UGGT2: variants seen among roughly 807,000 people sequenced by gnomAD.
UGGT2 encodes the protein UDP-glucose glycoprotein glucosyltransferase 2, also known as UDP-glucose:glycoprotein glucosyltransferase 2.
Under a neutral mutation model 192.1 loss-of-function variants are expected in UGGT2, and 180 were observed. The ratio of observed to expected loss-of-function variants is 0.94; its 90% CI spans 0.83 to 1.06. UGGT2 has a LOEUF of 1.06. Among genes scored for constraint, UGGT2 ranks in the 50% least tolerant of loss-of-function variants. The pLI is 0.00. For missense variants in UGGT2, 1,849 were observed against 1,795.7 expected, an observed-to-expected ratio of 1.03 and a Z score of -0.54; for synonymous variants, 580 against 591.0, an observed-to-expected ratio of 0.98 and a Z score of 0.27.
chr13:95,877,532 A>G, intron 28 of UGGT2, 166 bp downstream of exon 28: 1 of 1,034,510 alleles, frequency 9.7e-7, no homozygotes, highest in Non-Finnish European at 1.4e-6. Context: ...AAAAATTATT[A>G]AAGTATGATT....
intron 8 of UGGT2, among the ~76,000 whole-genome samples, chr13:95,988,213 A>G (rs2051350455): frequency 6.6e-6 from 1 of 152,080 alleles, no homozygotes. Flanking sequence ...CTGTCTCTGT[A>G]AAAAGTCCCT....
At chr13:95,936,421 C>T (rs1172973819) in intron 17 of UGGT2, among the ~76,000 whole-genome samples, 5 of 152,220 alleles carry the variant, frequency 3.3e-5, no homozygotes, top group Non-Finnish European at 7.3e-5. Flanking sequence ...TCTGTTGTCT[C>T]AGGCAATGGG....
chr13:95,940,974 T>C (rs375305248), intron 15 of UGGT2, among the ~76,000 whole-genome samples: 2 of 152,210 alleles, frequency 1.3e-5, no homozygotes, highest in East Asian at 3.9e-4. Flanking sequence ...ACTTGTAGAA[T>C]GTAAGCTGTT....
At chr13:95,985,904 T>C (rs2051275067) in intron 9 of UGGT2, among the ~76,000 whole-genome samples, 1 of 152,146 alleles carries the variant, frequency 6.6e-6, no homozygotes, top group African/African-American at 2.4e-5. Flanking sequence ...ATTAAGACAT[T>C]ACCAATCATT....
intron 29 of UGGT2, among the ~76,000 whole-genome samples, chr13:95,870,026 C>T (rs1254432705): frequency 6.6e-6 from 1 of 152,138 alleles, no homozygotes; most frequent in Non-Finnish European, 1.5e-5. Context: ...AAAACACTAA[C>T]TGGTAAGAAA....
intron 38 of UGGT2, among the ~76,000 whole-genome samples, chr13:95,803,877 G>A (rs1884180596): frequency 1.3e-5 from 2 of 152,206 alleles, no homozygotes; most frequent in African/African-American, 4.8e-5. Context: ...AAAGAAAAAA[G>A]GGCCAAGATG....
intron 34 of UGGT2, 88 bp from the exon 35 acceptor site, chr13:95,854,563 T>G (rs1022597600): frequency 4.2e-6 from 5 of 1,191,938 alleles, no homozygotes; most frequent in Non-Finnish European, 5.7e-6. Context: ...ATTACTCTAC[T>G]ACAGAAATCC....
At chr13:95,875,822 G>C (rs1891623122) in intron 29 of UGGT2, among the ~76,000 whole-genome samples, 1 of 152,114 alleles carries the variant, frequency 6.6e-6, no homozygotes, top group African/African-American at 2.4e-5. Flanking sequence ...AGGGGAAAGA[G>C]TGGTGAAAAA....
At chr13:95,973,158 G>T (rs948488984) in intron 10 of UGGT2, among the ~76,000 whole-genome samples, 2 of 151,742 alleles carry the variant, frequency 1.3e-5, no homozygotes, top group East Asian at 3.9e-4. Flanking sequence ...CAACAAGAAC[G>T]AAACTCCATC....
chr13:96,013,777 T>C (rs2052240895), intron 4 of UGGT2, among the ~76,000 whole-genome samples: 1 of 152,148 alleles, frequency 6.6e-6, no homozygotes, highest in Admixed American at 6.5e-5. Flanking sequence ...ATTTATATTT[T>C]ATGCAGTTAG....
intron 20 of UGGT2, among the ~76,000 whole-genome samples, chr13:95,924,969 CT>C (rs1280000654): frequency 2.6e-5 from 4 of 152,172 alleles, no homozygotes; most frequent in Non-Finnish European, 5.9e-5. Context: ...CTCCTAAATT[CT>C]TGAACCTCAG....
chr13:95,866,275 C>T (rs1376695540), intron 30 of UGGT2, among the ~76,000 whole-genome samples: 1 of 152,100 alleles, frequency 6.6e-6, no homozygotes, highest in East Asian at 1.9e-4. Flanking sequence ...TTAAACTCAT[C>T]TTTAATTTCT....
At chr13:95,898,843 C>A (rs1299858597) in intron 22 of UGGT2, among the ~76,000 whole-genome samples, 1 of 152,176 alleles carries the variant, frequency 6.6e-6, no homozygotes, top group Non-Finnish European at 1.5e-5. Context: ...GACTTCCCAG[C>A]CTCCAGAAGT....
intron 1 of UGGT2, among the ~76,000 whole-genome samples, chr13:96,047,724 C>T (rs1454539243): frequency 6.6e-6 from 1 of 151,972 alleles, no homozygotes; most frequent in Non-Finnish European, 1.5e-5. Context: ...CAACAAAGAT[C>T]AGAAGAGACA....
At chr13:95,828,287 A>T (rs1469146678) in intron 38 of UGGT2, among the ~76,000 whole-genome samples, 1 of 152,144 alleles carries the variant, frequency 6.6e-6, no homozygotes, top group Admixed American at 6.6e-5. Flanking sequence ...AAACGCATCC[A>T]AAAGCTAGCA....
At chr13:95,863,759 A>G (rs1375969888) in intron 30 of UGGT2, 45 bp from the exon 31 acceptor site, 1 of 1,443,988 alleles carries the variant, frequency 6.9e-7, no homozygotes, top group Non-Finnish European at 9.7e-7. Context: ...TGCTTTAAAT[A>G]TTGTGCTGTA....
chr13:96,015,101 AC>A (rs1566826544), intron 4 of UGGT2, among the ~76,000 whole-genome samples: 1 of 151,960 alleles, frequency 6.6e-6, no homozygotes, highest in African/African-American at 2.4e-5. Context: ...ACATGGTGAA[AC>A]CCTGTCTGTA....
chr13:95,981,129 A>C (rs893991924), intron 10 of UGGT2, among the ~76,000 whole-genome samples: 3 of 152,198 alleles, frequency 2.0e-5, no homozygotes, highest in Non-Finnish European at 2.9e-5. Flanking sequence ...AAGTAAAGCC[A>C]GGAGCTCTGC....
At chr13:95,994,113 G>T (rs1275355486) in intron 7 of UGGT2, among the ~76,000 whole-genome samples, 1 of 152,050 alleles carries the variant, frequency 6.6e-6, no homozygotes, top group Non-Finnish European at 1.5e-5. Flanking sequence ...TATTATCAAT[G>T]ATTTTTGTAA....
Sources: allele counts gnomAD v4.1 joint callset (sites outside exome capture counted in the v4.1 genomes callset), GRCh38; gene constraint gnomAD v4.1.1; transcripts MANE v1.5; gene names NCBI Gene and HGNC (gene_info 2026-07-23, HGNC 2026-07-21).